ELOB: variants seen among roughly 807,000 people sequenced by gnomAD.
The protein encoded by ELOB is elongin B.
Under a neutral mutation model 12.9 loss-of-function variants are expected in ELOB, and 3 were observed. That is an observed-to-expected ratio of 0.23 (90% confidence interval 0.11 to 0.60). The LOEUF is 0.60. Among genes scored for constraint, ELOB ranks in the 20% least tolerant of loss-of-function variants. The pLI, the probability that ELOB is intolerant of heterozygous loss-of-function variation, is 0.89. For missense variants in ELOB, 126 were observed against 159.2 expected (o/e 0.79, Z 1.12); for synonymous variants, 84 against 67.4 (o/e 1.25, Z -1.21).
At chr16:2,773,385 A>C (rs1420578587) in intron 3 of ELOB, among the ~76,000 whole-genome samples, 2 of 152,118 alleles carry the variant, frequency 1.3e-5, no homozygotes, top group Non-Finnish European at 2.9e-5. Context: ...AAACTAATCC[A>C]TCTTCCAAGC....
intron 2 of ELOB, among the ~76,000 whole-genome samples, chr16:2,776,657 A>C (rs1596303548): frequency 6.6e-6 from 1 of 152,166 alleles, no homozygotes; most frequent in Non-Finnish European, 1.5e-5. Context: ...CGTGGTTCGA[A>C]CCCTGGCGCT....
At chr16:2,776,119 A>G (rs1160530254) in intron 2 of ELOB, among the ~76,000 whole-genome samples, 1 of 152,206 alleles carries the variant, frequency 6.6e-6, no homozygotes, top group Non-Finnish European at 1.5e-5. Context: ...AGAATTCTCA[A>G]TTCGTAGGGC....
intron 1 of ELOB, 46 bp downstream of exon 1, chr16:2,777,191 G>T (rs1017271445): frequency 4.2e-6 from 1 of 240,708 alleles, no homozygotes; most frequent in African/African-American, 4.1e-5. Flanking sequence ...GCCGCCCCCC[G>T]CCGCCCCCGG....
At chr16:2,776,358 C>T (rs2068800011) in intron 2 of ELOB, among the ~76,000 whole-genome samples, 1 of 152,184 alleles carries the variant, frequency 6.6e-6, no homozygotes, top group South Asian at 2.1e-4. Flanking sequence ...GACAACCTCA[C>T]AATGTTGGGA....
intron 2 of ELOB, among the ~76,000 whole-genome samples, chr16:2,776,090 C>T: frequency 6.6e-6 from 1 of 152,204 alleles, no homozygotes; most frequent in East Asian, 1.9e-4. Flanking sequence ...GTTTCCTCAT[C>T]TGTAAACTAG....
At chr16:2,773,942 C>G (rs1567256687) in intron 3 of ELOB, among the ~76,000 whole-genome samples, 1 of 152,194 alleles carries the variant, frequency 6.6e-6, no homozygotes, top group South Asian at 2.1e-4. Flanking sequence ...CAGACAGGCA[C>G]CCCTGGGCCA....
intron 3 of ELOB, among the ~76,000 whole-genome samples, chr16:2,773,076 C>G (rs1028781576): frequency 2.0e-4 from 31 of 152,146 alleles, no homozygotes; most frequent in African/African-American, 7.0e-4. Flanking sequence ...AAGGCAAAGG[C>G]CTTCCCTGTC....
In ELOB at chr16:2,777,266, C is replaced by G. The variant is rs1015081786; in HGVS notation, c.-27G>C. ...GCGGCTGCTGCCTCTCCCCTCGACG[C>G]GCCGGCGCAGCCGCGCTCCGCCCCG... On this transcript the variant is annotated 5_prime_UTR_variant, in exon 1 of 4. Coordinates refer to ENST00000409906, the MANE Select transcript of ELOB (RefSeq NM_007108.4). The G allele has an allele frequency of 3.1e-5, 32 of 1,021,460 alleles. No individual in the cohort carries two copies. Among genetic ancestry groups the G allele is most frequent in the Non-Finnish European group, 3.0e-5 (26 of 854,118 alleles). 63.3% of individuals were successfully genotyped at this position (1,021,460 alleles called of 1,614,324 possible).
At chr16:2,775,133 A>ATG (rs1420402874) in intron 3 of ELOB, among the ~76,000 whole-genome samples, 1 of 152,108 alleles carries the variant, frequency 6.6e-6, no homozygotes, top group African/African-American at 2.4e-5. Context: ...TACTGAGAGG[A>ATG]TGAGACAGGG....
intron 3 of ELOB, among the ~76,000 whole-genome samples, chr16:2,774,036 CCTGA>C (rs1203897641): frequency 2.0e-5 from 3 of 152,172 alleles, no homozygotes; most frequent in Admixed American, 1.3e-4. Context: ...TTGAGACCAG[CCTGA>C]CTAACATGGT....
At chr16:2,775,159 A>T (rs116130595) in intron 3 of ELOB, among the ~76,000 whole-genome samples, 3,465 of 151,644 alleles carry the variant, frequency 0.023, 152 homozygotes, top group African/African-American at 0.078. Context: ...GAAGCCACAC[A>T]CAGAGTAACA....
chr16:2,775,768 G>A (rs975255436), intron 2 of ELOB: 5 of 454,340 alleles, frequency 1.1e-5, no homozygotes, highest in Non-Finnish European at 1.2e-5. Context: ...TTTAGAATCC[G>A]GTTTTATCCA....
At chr16:2,774,724 A>G (rs546980542) in intron 3 of ELOB, among the ~76,000 whole-genome samples, 20 of 152,286 alleles carry the variant, frequency 1.3e-4, no homozygotes, top group African/African-American at 4.3e-4. Flanking sequence ...TAGAGACAAA[A>G]TATTTTAAAT....
Position 2,777,105 on chromosome 16 carries a change from C to A in ELOB, c.26G>T (p.Arg9Leu). 1 of 1,589,318 alleles carries A rather than the reference C, an allele frequency of 6.3e-7. No individual in the cohort carries two copies. Among genetic ancestry groups the A allele is most frequent in the Non-Finnish European group, 8.5e-7 (1 of 1,169,798 alleles). The change falls in exon 2 of 4, where the codon CGC (arginine) becomes CTC (leucine). Residue 9 changes from arginine (R) to leucine (L), a missense_variant. Transcript: ENST00000409906. The stretch of plus-strand genomic sequence containing the variant: ...GTCCGTGAAGATGGTGGTCTTGTGG[C>A]GCCGGATCATGAGGAACACGTCCTG... MDVFLMIR[R>L]HKTTIFTDAK... is the part of the protein sequence containing the mutation.
Position 2,774,090 on chromosome 16 carries a change from C to A in ELOB, c.244+1361G>T, listed in dbSNP as rs190942798. On this transcript the variant is annotated intron_variant, in intron 3 of 3. Coordinates refer to ENST00000409906, the MANE Select transcript of ELOB (RefSeq NM_007108.4). ...ACTAAAAACACAAAGATTAGCTGGG[C>A]GTGGTGGCACATGCCTGTAATCCCA... Among the ~76,000 whole-genome samples, 325 of 152,260 alleles carry A rather than the reference C, an allele frequency of 2.1e-3. 4 individuals are homozygous for A. The highest frequency in any genetic ancestry group is 7.4e-3 in the African/African-American group (306 of 41,538).
chr16:2,776,466 G>A (rs1393885584), intron 2 of ELOB, among the ~76,000 whole-genome samples: 1 of 152,204 alleles, frequency 6.6e-6, no homozygotes, highest in Non-Finnish European at 1.5e-5. Flanking sequence ...CAAGGGGAAA[G>A]GGGGGCTTCT....
chr16:2,776,193 G>A (rs1156777642), intron 2 of ELOB, among the ~76,000 whole-genome samples: 1 of 152,202 alleles, frequency 6.6e-6, no homozygotes, highest in Non-Finnish European at 1.5e-5. Flanking sequence ...TGGCACACGG[G>A]ACATGCACAG....
At chr16:2,773,203 C>T (rs752066431) in intron 3 of ELOB, among the ~76,000 whole-genome samples, 5 of 152,026 alleles carry the variant, frequency 3.3e-5, no homozygotes, top group Non-Finnish European at 7.4e-5. Flanking sequence ...GATCAGGCAT[C>T]CCAGGGAAAG....
chr16:2,773,936 CA>C (rs1250624417), intron 3 of ELOB, among the ~76,000 whole-genome samples: 1 of 152,210 alleles, frequency 6.6e-6, no homozygotes, highest in African/African-American at 2.4e-5. Context: ...TCTCTTCAGA[CA>C]GGCACCCCTG....
Sources: allele counts gnomAD v4.1 joint callset (sites outside exome capture counted in the v4.1 genomes callset), GRCh38; gene constraint gnomAD v4.1.1; transcripts MANE v1.5; gene names NCBI Gene and HGNC (gene_info 2026-07-23, HGNC 2026-07-21).